The following ANKRD30A variants were observed in gnomAD, a reference collection of about 807,000 sequenced individuals.
ANKRD30A encodes ankyrin repeat domain-containing protein 30A.
In ANKRD30A, 170 loss-of-function variants were observed where a neutral mutation model predicts 166.3. The observed-to-expected ratio is 1.02, with a 90% CI of 0.90 to 1.16. The LOEUF is 1.16. Among genes scored for constraint, ANKRD30A ranks in the 50% most tolerant of loss-of-function variants. The pLI, the probability that ANKRD30A is intolerant of heterozygous loss-of-function variation, is 0.00. For synonymous variants in ANKRD30A, 564 were observed against 508.9 expected (o/e 1.11, Z -1.46); for missense variants, 1,630 against 1,518.0 (o/e 1.07, Z -1.23).
At chr10:37,254,577 G>A in the ANKRD30A span, among the ~76,000 whole-genome samples, 3 of 150,370 alleles carry the variant, frequency 2.0e-5, no homozygotes, top group African/African-American at 7.3e-5. Context: ...TCACTGTTGA[G>A]TTGTAAAAGT....
At chr10:37,166,427 G>A (rs534607812) in intron 18 of ANKRD30A, among the ~76,000 whole-genome samples, 178 bp from the exon 19 acceptor site, 1 of 151,804 alleles carries the variant, frequency 6.6e-6, no homozygotes, top group African/African-American at 2.4e-5. Flanking sequence ...ATGTAGAGAG[G>A]GTTATGTGAG....
At chr10:37,171,495 C>T (rs1277425029) in intron 21 of ANKRD30A, among the ~76,000 whole-genome samples, 4 of 151,360 alleles carry the variant, frequency 2.6e-5, no homozygotes, top group Non-Finnish European at 5.9e-5. Context: ...TTTTAGTTTA[C>T]ACTTTTTAGA....
intron 31 of ANKRD30A, among the ~76,000 whole-genome samples, chr10:37,211,489 T>C (rs1358083337): frequency 6.6e-6 from 1 of 152,196 alleles, no homozygotes; most frequent in Non-Finnish European, 1.5e-5. Flanking sequence ...CTGCATAGTA[T>C]TCCATGGTGT....
rs1260622460 is a variant in ANKRD30A at position 37,199,723 on chromosome 10, A to G, written c.2717-4A>G. The G allele has an allele frequency of 6.4e-7, 1 of 1,561,186 alleles. No individual in the cohort carries two copies. The highest frequency in any genetic ancestry group is 1.7e-5 in the Admixed American group (1 of 57,826). On this transcript the variant is annotated splice_region_variant and splice_polypyrimidine_tract_variant and intron_variant, in intron 29 of 35. Transcript: ENST00000361713. ...TGAATGTATCTGTGATTAACCTTTT[A>G]TAGATCAGATGTTCCCTTCAGAATC...
chr10:37,259,267 A>C, the ANKRD30A span, among the ~76,000 whole-genome samples: 1 of 152,206 alleles, frequency 6.6e-6, no homozygotes, highest in Admixed American at 6.5e-5. Context: ...GAGCCAATTA[A>C]GCATCAGAAA....
At chr10:37,158,094 C>T (rs1588823454) in intron 13 of ANKRD30A, among the ~76,000 whole-genome samples, 1 of 152,006 alleles carries the variant, frequency 6.6e-6, no homozygotes, top group African/African-American at 2.4e-5. Flanking sequence ...CTTATACGGC[C>T]GCTTTCTCTT....
At position 37,145,012 on chromosome 10, in the gene ANKRD30A, G is replaced by A. The variant is rs267602479; in HGVS notation, c.1411G>A (p.Glu471Lys). Residue 471 changes from glutamate to lysine, a missense_variant, in exon 8 of 36, where the codon GAA (glutamate) becomes AAA (lysine). Physicochemically the swap from Glu to Lys is moderately conservative, Grantham distance 56. Around this residue, in one of 4 missense-constraint regions of ANKRD30A, gnomAD observed 904 missense variants for 818.5 expected, o/e 1.10. Transcript: ENST00000361713. Reference sequence around the variant, plus strand: ...TTTTATAGATCAGAGGTTCCCATCAGAATCCAAACAAGAGGAAGATGAAGA... The same window carrying A: ...TTTTATAGATCAGAGGTTCCCATCAAAATCCAAACAAGAGGAAGATGAAGA... ...ASANDQRFPS[E>K]SKQEEDEEYS... The A allele has an allele frequency of 6.2e-7, 1 of 1,602,218 alleles. No individual in the cohort carries two copies. Among genetic ancestry groups the A allele is most frequent in the Non-Finnish European group, 8.5e-7 (1 of 1,174,248 alleles).
At chr10:37,204,670 G>A (rs1432535950) in intron 31 of ANKRD30A, among the ~76,000 whole-genome samples, 1 of 151,678 alleles carries the variant, frequency 6.6e-6, no homozygotes, top group Admixed American at 6.6e-5. Context: ...AAACTACCAT[G>A]AGAATGAACA....
intron 27 of ANKRD30A, among the ~76,000 whole-genome samples, chr10:37,196,960 T>C (rs542623831): frequency 1.3e-5 from 2 of 152,316 alleles, no homozygotes; most frequent in African/African-American, 2.4e-5. Context: ...GTGATTCTAA[T>C]GTGTTTCATT....
intron 12 of ANKRD30A, 74 bp from the exon 13 acceptor site, chr10:37,153,498 A>C: frequency 1.3e-6 from 2 of 1,578,976 alleles, no homozygotes; most frequent in Middle Eastern, 2.3e-4. Flanking sequence ...AAAAGAATTT[A>C]ATTAGGAAAT....
chr10:37,142,386 AT>A, intron 7 of ANKRD30A, 96 bp downstream of exon 7: 1 of 1,189,120 alleles, frequency 8.4e-7, no homozygotes. Context: ...TGACTTGAAT[AT>A]CTAAATAAGG....
chr10:37,165,324 C>A (rs566878634), intron 18 of ANKRD30A, among the ~76,000 whole-genome samples, 169 bp downstream of exon 18: 2 of 152,306 alleles, frequency 1.3e-5, no homozygotes, highest in East Asian at 3.9e-4. Context: ...TAGATTCCTG[C>A]TTCACAGTGA....
chr10:37,230,964 C>T (rs995280014), intron 34 of ANKRD30A, among the ~76,000 whole-genome samples: 1 of 152,028 alleles, frequency 6.6e-6, no homozygotes, highest in Non-Finnish European at 1.5e-5. Context: ...ACTCAGCTAT[C>T]TTTGTCTCCC....
chr10:37,162,136 G>T (rs183901382), intron 15 of ANKRD30A, among the ~76,000 whole-genome samples: 233 of 152,154 alleles, frequency 1.5e-3, no homozygotes, highest in Non-Finnish European at 2.9e-3. Context: ...TACACCATAT[G>T]GTTATGGAAA....
At chr10:37,265,178 T>A in the ANKRD30A span, among the ~76,000 whole-genome samples, 2 of 152,178 alleles carry the variant, frequency 1.3e-5, no homozygotes, top group Non-Finnish European at 2.9e-5. Context: ...CTTTTTATTT[T>A]TTTCTTTTAT....
intron 19 of ANKRD30A, among the ~76,000 whole-genome samples, chr10:37,167,592 TG>T (rs1839460566): frequency 6.6e-6 from 1 of 151,814 alleles, no homozygotes; most frequent in Admixed American, 6.6e-5. Context: ...TAAATTTAAA[TG>T]AAATACATCA....
At chr10:37,133,856 A>G (rs573762089) in intron 4 of ANKRD30A, 60 bp from the exon 5 acceptor site, 2 of 1,573,100 alleles carry the variant, frequency 1.3e-6, no homozygotes, top group South Asian at 2.3e-5. Context: ...TTCTACAATG[A>G]CAGGCACATA....
chr10:37,202,692 T>A (rs1264961411), intron 31 of ANKRD30A, among the ~76,000 whole-genome samples: 6 of 152,108 alleles, frequency 3.9e-5, no homozygotes, highest in Admixed American at 3.9e-4. Context: ...AATCAATGAA[T>A]CCAGGAGCTG....
At chr10:37,179,432 A>G (rs1588872487) in intron 24 of ANKRD30A, among the ~76,000 whole-genome samples, 2 of 151,194 alleles carry the variant, frequency 1.3e-5, no homozygotes, top group African/African-American at 4.8e-5. Context: ...TGAGTGGATT[A>G]AGAGATATTG....
Sources: allele counts gnomAD v4.1 joint callset (sites outside exome capture counted in the v4.1 genomes callset), GRCh38; gene constraint gnomAD v4.1.1; regional missense constraint gnomAD v4.1.1; transcripts MANE v1.5; gene names NCBI Gene and HGNC (gene_info 2026-07-23, HGNC 2026-07-21).